The following MAP3K13 variants were observed in gnomAD, a reference collection of about 807,000 sequenced individuals.
MAP3K13 encodes leucine zipper-bearing kinase.
A neutral mutation model predicts 104.0 loss-of-function variants in MAP3K13; 52 were observed. The ratio of observed to expected loss-of-function variants is 0.50; its 90% CI spans 0.40 to 0.63. The LOEUF is 0.63. Ranked by LOEUF, MAP3K13 falls within the 20% of genes least tolerant of loss-of-function variation. The probability of loss-of-function intolerance (pLI) is 0.00; values close to 1 mark genes in which losing one functional copy is unlikely to be tolerated. For missense variants in MAP3K13, 914 were observed against 1,218.5 expected, an observed-to-expected ratio of 0.75 and a Z score of 3.72; for synonymous variants, 394 against 442.2, an observed-to-expected ratio of 0.89 and a Z score of 1.37.
At chr3:185,439,523 C>T (rs1715216001) in intron 3 of MAP3K13, among the ~76,000 whole-genome samples, 1 of 152,020 alleles carries the variant, frequency 6.6e-6, no homozygotes, top group South Asian at 2.1e-4. Context: ...AAGGAAGGGT[C>T]AAAAGCTTTT....
intron 12 of MAP3K13, among the ~76,000 whole-genome samples, chr3:185,478,170 C>T (rs981430690): frequency 3.9e-5 from 6 of 152,180 alleles, no homozygotes; most frequent in African/African-American, 1.4e-4. Flanking sequence ...TTAGAAATAG[C>T]TTCTTGCTTA....
At chr3:185,386,410 A>T (rs188331092) in intron 1 of MAP3K13, among the ~76,000 whole-genome samples, 12 of 152,326 alleles carry the variant, frequency 7.9e-5, no homozygotes, top group Non-Finnish European at 1.8e-4. Flanking sequence ...GTCAAAAAAC[A>T]ACTGATGCTG....
intron 1 of MAP3K13, among the ~76,000 whole-genome samples, chr3:185,399,403 G>C (rs1425247421): frequency 6.6e-6 from 1 of 151,680 alleles, no homozygotes; most frequent in East Asian, 1.9e-4. Flanking sequence ...AGGAGTTCCA[G>C]ACCAGCCTGG....
chr3:185,403,241 G>T (rs1314226390), intron 1 of MAP3K13, among the ~76,000 whole-genome samples: 1 of 152,172 alleles, frequency 6.6e-6, no homozygotes. Context: ...GGAAATTGCT[G>T]AAGTCTAAAC....
intron 2 of MAP3K13, among the ~76,000 whole-genome samples, chr3:185,308,355 C>G (rs73887860): frequency 2.0e-5 from 3 of 152,000 alleles, no homozygotes; most frequent in Non-Finnish European, 4.4e-5. Context: ...TACAAGCTGC[C>G]TAGGTCTCTT....
intron 1 of MAP3K13, among the ~76,000 whole-genome samples, chr3:185,426,979 A>G (rs1190696393): frequency 1.3e-5 from 2 of 152,308 alleles, no homozygotes; most frequent in Non-Finnish European, 1.5e-5. Context: ...GACCTCTAGC[A>G]TATTCTAGAT....
chr3:185,435,911 A>G (rs1715003348), intron 2 of MAP3K13, among the ~76,000 whole-genome samples: 1 of 152,116 alleles, frequency 6.6e-6, no homozygotes, highest in Non-Finnish European at 1.5e-5. Flanking sequence ...TTTGAAGCTA[A>G]CTCAACACTA....
chr3:185,309,224 T>C (rs76875357), intron 2 of MAP3K13, among the ~76,000 whole-genome samples: 13,536 of 152,204 alleles, frequency 0.089, 822 homozygotes, highest in East Asian at 0.2. Context: ...CATAAAAAGA[T>C]TGAGGCTGGA....
At chr3:185,458,322 C>T (rs915199494) in intron 7 of MAP3K13, among the ~76,000 whole-genome samples, 1 of 145,376 alleles carries the variant, frequency 6.9e-6, no homozygotes, top group African/African-American at 2.6e-5. Flanking sequence ...GAGCCAAGAT[C>T]GAGCCACTGC....
intron 2 of MAP3K13, among the ~76,000 whole-genome samples, chr3:185,355,704 AG>A: frequency 6.6e-6 from 1 of 152,188 alleles, no homozygotes; most frequent in East Asian, 1.9e-4. Context: ...GGTCAGAAAA[AG>A]GATAGGTCAC....
chr3:185,426,241 C>T (rs572125222), intron 1 of MAP3K13, among the ~76,000 whole-genome samples: 27 of 152,142 alleles, frequency 1.8e-4, no homozygotes, highest in South Asian at 8.3e-4. Context: ...CCACCATGCC[C>T]GGCTAATTTT....
intron 2 of MAP3K13, among the ~76,000 whole-genome samples, chr3:185,331,525 T>C (rs566477062): frequency 4.6e-5 from 7 of 152,108 alleles, no homozygotes; most frequent in Non-Finnish European, 1.0e-4. Context: ...GGATATATAT[T>C]TGGTCTTTCC....
chr3:185,429,860 C>A (rs1289445423), intron 2 of MAP3K13, among the ~76,000 whole-genome samples: 2 of 152,040 alleles, frequency 1.3e-5, no homozygotes, highest in Non-Finnish European at 2.9e-5. Context: ...AAATATCTAA[C>A]CAATCTTGAG....
At chr3:185,350,902 A>G (rs976295563) in intron 2 of MAP3K13, among the ~76,000 whole-genome samples, 4 of 152,246 alleles carry the variant, frequency 2.6e-5, no homozygotes, top group Non-Finnish European at 5.9e-5. Context: ...GTTCTTTCCT[A>G]AAGACACATA....
intron 12 of MAP3K13, among the ~76,000 whole-genome samples, chr3:185,478,894 A>G (rs1370311759): frequency 6.6e-6 from 1 of 151,972 alleles, no homozygotes; most frequent in Non-Finnish European, 1.5e-5. Flanking sequence ...AGAAAAAAAC[A>G]AAACAAAACA....
chr3:185,441,307 C>A (rs1172122803), intron 3 of MAP3K13, among the ~76,000 whole-genome samples: 1 of 152,180 alleles, frequency 6.6e-6, no homozygotes, highest in African/African-American at 2.4e-5. Flanking sequence ...TCCTCCAGGC[C>A]TCTGCACATG....
chr3:185,448,587 T>C (rs560080458), intron 5 of MAP3K13, among the ~76,000 whole-genome samples: 2 of 152,340 alleles, frequency 1.3e-5, no homozygotes, highest in African/African-American at 4.8e-5. Flanking sequence ...CATGTCAAAA[T>C]TGCATGTAAT....
intron 10 of MAP3K13, among the ~76,000 whole-genome samples, chr3:185,470,720 T>G (rs1717724526): frequency 6.6e-6 from 1 of 152,322 alleles, no homozygotes; most frequent in South Asian, 2.1e-4. Context: ...TTTTGCTATT[T>G]CAAAAAATAC....
intron 10 of MAP3K13, among the ~76,000 whole-genome samples, chr3:185,468,977 G>A (rs1462572355): frequency 6.6e-6 from 1 of 152,218 alleles, no homozygotes; most frequent in East Asian, 1.9e-4. Flanking sequence ...TTTTGGCTAT[G>A]AGAAATGTTT....
Sources: allele counts gnomAD v4.1 joint callset (sites outside exome capture counted in the v4.1 genomes callset), GRCh38; gene constraint gnomAD v4.1.1; transcripts MANE v1.5; gene names NCBI Gene and HGNC (gene_info 2026-07-23, HGNC 2026-07-21).